DPEP1: variants seen among roughly 807,000 people sequenced by gnomAD.
DPEP1 encodes beta-lactamase.
DPEP1 carries 50 observed loss-of-function variants against 42.3 expected under a neutral mutation model. The observed-to-expected ratio is 1.18, with a 90% CI of 0.94 to 1.50. The LOEUF (loss-of-function observed/expected upper bound fraction) is 1.50, where lower values mean the gene tolerates loss of function less well. Among genes scored for constraint, DPEP1 ranks in the 40% most tolerant of loss-of-function variants. The pLI, the probability that DPEP1 is intolerant of heterozygous loss-of-function variation, is 0.00. For missense variants in DPEP1, 663 were observed against 553.0 expected, an observed-to-expected ratio of 1.20 and a Z score of -1.99; for synonymous variants, 297 against 234.0, an observed-to-expected ratio of 1.27 and a Z score of -2.46.
Position 89,613,660 on chromosome 16 carries a change from G to A in DPEP1, c.-166G>A, listed in dbSNP as rs2059351677. ...TAGGGCCAGCCCAGCTGTGAGCCTG[G>A]CGTGGGAGCTGCCTAGGCCGGGCCC... On this transcript the variant is annotated 5_prime_UTR_variant, in exon 1 of 11. Transcript: ENST00000690203. The A allele has an allele frequency of 6.6e-6, 1 of 152,590 alleles. No homozygotes were observed. The highest frequency in any genetic ancestry group is 1.5e-5 in the Non-Finnish European group (1 of 68,282). The allele number at this position is 152,590 out of a possible 1,614,324, so 9.5% of individuals were successfully genotyped here.
At chr16:89,614,590 C>T (rs183157553) in intron 1 of DPEP1, among the ~76,000 whole-genome samples, 5 of 152,196 alleles carry the variant, frequency 3.3e-5, no homozygotes, top group South Asian at 2.1e-4. Context: ...GTCAGGAGAT[C>T]GAGACCATCC....
intron 2 of DPEP1, among the ~76,000 whole-genome samples, chr16:89,631,004 T>C (rs1352066545): frequency 6.6e-6 from 1 of 152,052 alleles, no homozygotes; most frequent in African/African-American, 2.4e-5. Context: ...CCACACTCCC[T>C]GGTCCCGAAG....
chr16:89,615,805 T>G (rs556753292), intron 1 of DPEP1, among the ~76,000 whole-genome samples: 1 of 152,120 alleles, frequency 6.6e-6, no homozygotes, highest in East Asian at 1.9e-4. Flanking sequence ...GGCCCCGGGG[T>G]CCTGGCCGGC....
Position 89,630,494 on chromosome 16 carries a change from G to A in DPEP1, c.84G>A (p.Arg28=), listed in dbSNP as rs762845122. The A allele has an allele frequency of 1.1e-5, 17 of 1,600,730 alleles. No individual in the cohort carries two copies. The highest frequency in any genetic ancestry group is 1.4e-5 in the Non-Finnish European group (16 of 1,173,926). ...FFRDEAERIM[R]DSPVIDGHND... ...GGGACGAGGCAGAGAGGATCATGAG[G>A]GACTCCCCTGTCATTGATGGGTGAG... The change falls in exon 2 of 11, where the codon AGG becomes AGA. Residue 28 remains arginine (R), a synonymous_variant. Coordinates refer to ENST00000690203, the MANE Select transcript of DPEP1 (RefSeq NM_001389466.1).
At chr16:89,614,900 G>C (rs1217402977) in intron 1 of DPEP1, among the ~76,000 whole-genome samples, 1 of 152,220 alleles carries the variant, frequency 6.6e-6, no homozygotes, top group Non-Finnish European at 1.5e-5. Context: ...GGAAGTTGGA[G>C]TCTGGAGCTG....
At position 89,638,274 on chromosome 16, in the gene DPEP1, C is replaced by T. The variant is rs1464115129; in HGVS notation, c.*52C>T. 2.8e-5 allele frequency: 41 copies of T among 1,488,366 alleles called. No homozygotes were observed. The highest frequency in any genetic ancestry group is 4.1e-5 in the South Asian group (3 of 72,378). The allele number at this position is 1,488,366 out of a possible 1,614,324, so 92.2% of individuals were successfully genotyped here. ...GGGTTCCCGGAGCTCCGGGAAGACC[C>T]GCCCATCCCAGGACTCCAGATGCCA... On this transcript the variant is annotated 3_prime_UTR_variant, in exon 11 of 11. Transcript: ENST00000690203.
chr16:89,614,986 T>C (rs2059368231), intron 1 of DPEP1, among the ~76,000 whole-genome samples: 1 of 151,966 alleles, frequency 6.6e-6, no homozygotes. Context: ...ATGGTGAGGG[T>C]CTAGTAGCCT....
rs146442848 is a variant in DPEP1 at position 89,625,436 on chromosome 16, C to T, written c.-106-4869C>T. On this transcript the variant is annotated intron_variant, in intron 1 of 10. Coordinates refer to ENST00000690203, the MANE Select transcript of DPEP1 (RefSeq NM_001389466.1). ...ATTGATGAGGGGCCCGTCCCCATGA[C>T]ACAAAACCTCCCAACTGGGATCCAG... Among the ~76,000 whole-genome samples the T allele has an allele frequency of 4.5e-3, 688 of 152,336 alleles. 7 individuals are homozygous for T. Among genetic ancestry groups the T allele is most frequent in the South Asian group, 0.025 (123 of 4,832 alleles).
intron 2 of DPEP1, among the ~76,000 whole-genome samples, chr16:89,635,201 TCCCCTTCCTTCTCCTTTC>T (rs1271332773): frequency 3.8e-5 from 5 of 132,580 alleles, no homozygotes; most frequent in African/African-American, 1.2e-4. Flanking sequence ...CCTTCTCCTT[TCCCCTTCCTTCTCCTTTC>T]CCCTTCCTTC....
At chr16:89,617,037 G>C (rs2059385731) in intron 1 of DPEP1, 1 of 213,484 alleles carries the variant, frequency 4.7e-6, no homozygotes, top group African/African-American at 2.4e-5. Context: ...GGGGAAGGGA[G>C]GGGTGGGGTG....
intron 3 of DPEP1, 89 bp downstream of exon 3, chr16:89,636,129 TG>T (rs1248151469): frequency 7.1e-6 from 11 of 1,548,776 alleles, no homozygotes; most frequent in Non-Finnish European, 9.6e-6. Flanking sequence ...ATCCCTGTGG[TG>T]TTCCTCCAGG....
intron 1 of DPEP1, among the ~76,000 whole-genome samples, chr16:89,614,558 G>T (rs1221437224): frequency 6.6e-6 from 1 of 152,242 alleles, no homozygotes; most frequent in Non-Finnish European, 1.5e-5. Context: ...ACTGTGGGAG[G>T]CCGAGGTGGG....
At chr16:89,618,110 T>A (rs949467952) in intron 1 of DPEP1, among the ~76,000 whole-genome samples, 2 of 152,224 alleles carry the variant, frequency 1.3e-5, no homozygotes, top group African/African-American at 4.8e-5. Context: ...TATTTACCAT[T>A]TATCTTCATA....
At chr16:89,624,307 G>A (rs1404900981) in intron 1 of DPEP1, among the ~76,000 whole-genome samples, 1 of 152,084 alleles carries the variant, frequency 6.6e-6, no homozygotes, top group African/African-American at 2.4e-5. Context: ...CCTTTGGTGA[G>A]GACCCCAGGG....
chr16:89,636,338 G>A lies in DPEP1; in HGVS notation c.312G>A (p.Val104=). ...GGAGGACGCTGGAGCAGATGGACGT[G>A]GTCCACCGCATGTGCCGGATGTACC... ...AVRRTLEQMD[V]VHRMCRMYPE... is the part of the protein sequence containing the mutation. The change falls in exon 4 of 11, where the codon GTG becomes GTA. Residue 104 remains valine (V), a synonymous_variant. Coordinates refer to ENST00000690203, the MANE Select transcript of DPEP1 (RefSeq NM_001389466.1). 6.2e-7 allele frequency: 1 copy of A among 1,612,582 alleles called. No homozygotes were observed. The highest frequency in any genetic ancestry group is 2.2e-5 in the East Asian group (1 of 44,874).
intron 1 of DPEP1, among the ~76,000 whole-genome samples, chr16:89,615,900 C>T (rs910757126): frequency 1.3e-5 from 2 of 152,148 alleles, no homozygotes; most frequent in Non-Finnish European, 2.9e-5. Context: ...GTGTCCACCC[C>T]TTTCACAGGC....
chr16:89,616,794 GCA>G (rs2059382639), intron 1 of DPEP1: 1 of 269,644 alleles, frequency 3.7e-6, no homozygotes, highest in Admixed American at 5.3e-5. Context: ...CAGGAAGTGG[GCA>G]GGAAGCAGGC....
At chr16:89,625,022 T>A (rs566361127) in intron 1 of DPEP1, among the ~76,000 whole-genome samples, 1 of 152,136 alleles carries the variant, frequency 6.6e-6, no homozygotes, top group Non-Finnish European at 1.5e-5. Flanking sequence ...AGAGCAGCCT[T>A]TGATCCTTTG....
chr16:89,631,869 C>G (rs989467936), intron 2 of DPEP1, among the ~76,000 whole-genome samples: 1 of 151,658 alleles, frequency 6.6e-6, no homozygotes, highest in Non-Finnish European at 1.5e-5. Flanking sequence ...ATTAAAAAAA[C>G]TTAAGAGAGC....
Sources: gnomAD v4.1 joint callset for allele counts (sites outside exome capture counted in the v4.1 genomes callset) on GRCh38, gnomAD v4.1.1 for gene constraint, MANE v1.5 for transcripts, NCBI Gene and HGNC (gene_info 2026-07-23, HGNC 2026-07-21) for gene names.